BBOF1: variants seen among roughly 807,000 people sequenced by gnomAD.
BBOF1 encodes basal body-orientation factor 1.
A neutral mutation model predicts 68.0 loss-of-function variants in BBOF1; 62 were observed. The ratio of observed to expected loss-of-function variants is 0.91; its 90% CI spans 0.74 to 1.13. The LOEUF (loss-of-function observed/expected upper bound fraction) is 1.13, where lower values mean the gene tolerates loss of function less well. Among genes scored for constraint, BBOF1 ranks in the 50% most tolerant of loss-of-function variants. The pLI is 0.00. For missense variants in BBOF1, 534 were observed against 600.1 expected (o/e 0.89, Z 1.15); for synonymous variants, 208 against 198.8 (o/e 1.05, Z -0.39).
intron 5 of BBOF1, among the ~76,000 whole-genome samples, chr14:74,045,830 T>C (rs1430204514): frequency 1.3e-5 from 2 of 152,152 alleles, no homozygotes; most frequent in East Asian, 3.8e-4. Flanking sequence ...AATTGAATTT[T>C]CTCCCCTATT....
intron 9 of BBOF1, chr14:74,071,125 T>C (rs572932777): frequency 7.1e-7 from 1 of 1,414,444 alleles, no homozygotes; most frequent in African/African-American, 1.4e-5. Flanking sequence ...TCCTAAAACA[T>C]CCAACCATCA....
intron 3 of BBOF1, among the ~76,000 whole-genome samples, chr14:74,031,119 C>CTTTTCTT (rs548452464): frequency 5.6e-5 from 8 of 143,492 alleles, no homozygotes; most frequent in African/African-American, 2.0e-4. Context: ...CTTTTCTTTT[C>CTTTTCTT]TTTTTTTTTT....
At chr14:74,040,060 TCA>T (rs141688431) in intron 4 of BBOF1, among the ~76,000 whole-genome samples, 28,192 of 152,090 alleles carry the variant, frequency 0.19, 2,816 homozygotes, top group South Asian at 0.43. Flanking sequence ...CAATGTGGGC[TCA>T]CTGCAGTCTC....
chr14:74,051,394 C>T (rs569385466), intron 8 of BBOF1, among the ~76,000 whole-genome samples: 1 of 151,762 alleles, frequency 6.6e-6, no homozygotes, highest in African/African-American at 2.4e-5. Context: ...GCCTGGGCAA[C>T]AGAGTGAGAC....
chr14:74,026,867 G>T (rs1344017703), intron 2 of BBOF1, among the ~76,000 whole-genome samples: 1 of 151,700 alleles, frequency 6.6e-6, no homozygotes, highest in Non-Finnish European at 1.5e-5. Context: ...GGAGGTTGCA[G>T]TGAGCTGAGA....
At position 74,019,530 on chromosome 14, in the gene BBOF1, A is replaced by C. The variant is rs368068420; in HGVS notation, c.52A>C (p.Thr18Pro). 79 of 1,598,368 alleles carry C rather than the reference A, an allele frequency of 4.9e-5. No homozygotes were observed. Among genetic ancestry groups the C allele is most frequent in the Non-Finnish European group, 6.7e-5 (78 of 1,172,600 alleles). The change falls in exon 1 of 12, where the codon ACG (threonine) becomes CCG (proline). Residue 18 changes from threonine (T) to proline (P), a missense_variant. Physicochemically the swap from Thr to Pro is conservative, Grantham distance 38. Transcript: ENST00000394009. ...GAAAGGCAAGAGCAAAGGCAAAGAC[A>C]CGAAGTAAGGAGAAGCCACCCGAGA... ...KKKGKSKGKD[T>P]KKLIKTDESV...
chr14:74,073,654 C>T lies in BBOF1; in HGVS notation n.1380-4542C>T, dbSNP rs185030769. Among the ~76,000 whole-genome samples, 7 of 152,182 alleles carry T rather than the reference C, an allele frequency of 4.6e-5. No individual in the cohort carries two copies. The South Asian group carries it at 6.2e-4, about 14-fold the overall frequency. On this transcript the variant is annotated intron_variant and non_coding_transcript_variant, in intron 9 of 12. Coordinates refer to the BBOF1 transcript ENST00000492026. ...GATTTTTGGCTGGGCAAATGGCTCA[C>T]GCCTGTAATCCCAGCACTTTGGGAG...
chr14:74,040,850 A>G, intron 5 of BBOF1: 2 of 525,080 alleles, frequency 3.8e-6, no homozygotes, highest in Non-Finnish European at 6.6e-6. Flanking sequence ...TCATTCAGAG[A>G]TTCTTGTCCT....
At chr14:74,033,574 AAAT>A (rs879643436) in intron 3 of BBOF1, among the ~76,000 whole-genome samples, 8 of 146,506 alleles carry the variant, frequency 5.5e-5, no homozygotes, top group African/African-American at 1.0e-4. Context: ...CATCTCAAAA[AAAT>A]AATAATAATA....
At chr14:74,053,932 T>C (rs1238655992) in intron 8 of BBOF1, among the ~76,000 whole-genome samples, 1 of 152,062 alleles carries the variant, frequency 6.6e-6, no homozygotes, top group Non-Finnish European at 1.5e-5. Flanking sequence ...TGGAGTGCAG[T>C]GGCACAATCT....
intron 3 of BBOF1, among the ~76,000 whole-genome samples, chr14:74,031,277 A>T (rs2059562460): frequency 1.3e-5 from 2 of 151,822 alleles, no homozygotes; most frequent in East Asian, 3.9e-4. Context: ...TACACCTGGC[A>T]AATTTTTGTA....
At position 74,050,142 on chromosome 14, in the gene BBOF1, C is replaced by A; in HGVS notation, c.1233C>A (p.Gly411=). The A allele has an allele frequency of 1.2e-6, 2 of 1,600,976 alleles. No homozygotes were observed. The highest frequency in any genetic ancestry group is 2.3e-5 in the South Asian group (2 of 88,362). The change falls in exon 8 of 12, where the codon GGC becomes GGA. Residue 411 remains glycine (G), a synonymous_variant. Coordinates refer to ENST00000394009, the MANE Select transcript of BBOF1 (RefSeq NM_025057.3). ...TEYPKIRTFD[G]REHSTNSVNQ... The stretch of plus-strand genomic sequence containing the variant: ...ATCCCAAAATCAGAACATTTGATGG[C>A]AGAGAGCACAGCACCAATAGTGTGA...
chr14:74,032,313 G>A (rs1324715519), intron 3 of BBOF1, among the ~76,000 whole-genome samples: 1 of 151,048 alleles, frequency 6.6e-6, no homozygotes. Flanking sequence ...TTTTAGTAGA[G>A]ACAGGGTTTC....
At chr14:74,049,551 A>T in intron 7 of BBOF1, 151 bp from the exon 8 acceptor site, 1 of 656,088 alleles carries the variant, frequency 1.5e-6, no homozygotes, top group Non-Finnish European at 2.5e-6. Flanking sequence ...AATCCCAGCT[A>T]CTCAGGAGCC....
chr14:74,078,113 A>G, intron 9 of BBOF1: 1 of 443,556 alleles, frequency 2.3e-6, no homozygotes, highest in South Asian at 1.6e-5. Flanking sequence ...ACTCTTTGCT[A>G]TTCCACAACT....
At position 74,079,133 on chromosome 14, in the gene BBOF1, C is replaced by T. The variant is rs572937632; in HGVS notation, n.1536+781C>T. 2.0e-3 allele frequency among the ~76,000 whole-genome samples: 306 copies of T among 151,826 alleles called. 1 individual carries two copies. The highest frequency in any genetic ancestry group is 3.7e-3 in the Non-Finnish European group (250 of 68,008). On this transcript the variant is annotated intron_variant and non_coding_transcript_variant, in intron 10 of 12. Transcript: ENST00000492026. ...AGTATTTTCCTCTTCAGGTGATACC[C>T]ACGTAATTATCTTTACCACATCTCT...
intron 8 of BBOF1, among the ~76,000 whole-genome samples, chr14:74,052,508 G>A (rs931041144): frequency 6.6e-6 from 1 of 151,936 alleles, no homozygotes; most frequent in Non-Finnish European, 1.5e-5. Flanking sequence ...AGCCAGGCAT[G>A]ATGGCACACA....
intron 8 of BBOF1, among the ~76,000 whole-genome samples, chr14:74,050,925 A>T (rs2060053309): frequency 6.6e-6 from 1 of 152,126 alleles, no homozygotes; most frequent in Non-Finnish European, 1.5e-5. Context: ...CCTGGCCAAC[A>T]TGGTGAAACC....
chr14:74,055,235 G>A (rs955050418), intron 8 of BBOF1: 5 of 204,130 alleles, frequency 2.4e-5, no homozygotes, highest in Non-Finnish European at 4.1e-5. Context: ...TGCAGCCTCC[G>A]CCTCCTGGGT....
Sources: allele counts gnomAD v4.1 joint callset (sites outside exome capture counted in the v4.1 genomes callset), GRCh38; gene constraint gnomAD v4.1.1; transcripts MANE v1.5; gene names NCBI Gene and HGNC (gene_info 2026-07-23, HGNC 2026-07-21).